Variants in LRRCC1 observed in about 807,000 individuals in gnomAD.
LRRCC1 encodes the protein leucine rich repeat and coiled-coil centrosomal protein 1.
LRRCC1 carries 115 observed loss-of-function variants against 126.0 expected under a neutral mutation model. That is an observed-to-expected ratio of 0.91 (90% CI 0.78 to 1.07). The LOEUF (loss-of-function observed/expected upper bound fraction) is 1.07. Among genes scored for constraint, LRRCC1 ranks in the 50% least tolerant of loss-of-function variants. LRRCC1 has a pLI of 0.00. For missense variants in LRRCC1, 1,172 were observed against 1,175.7 expected, an observed-to-expected ratio of 1.00 and a Z score of 0.05; for synonymous variants, 400 against 393.4, an observed-to-expected ratio of 1.02 and a Z score of -0.20.
At position 85,138,081 on chromosome 8, in the gene LRRCC1, T is replaced by A; in HGVS notation, c.2540T>A (p.Ile847Asn). 6.3e-7 allele frequency: 1 copy of A among 1,597,156 alleles called. No individual in the cohort carries two copies. The change falls in exon 16 of 19, where the codon ATC becomes AAC. Residue 847 changes from isoleucine (I) to asparagine (N), a missense_variant. Physicochemically the swap from Ile to Asn is moderately radical, Grantham distance 149. Coordinates refer to ENST00000360375, the MANE Select transcript of LRRCC1 (RefSeq NM_033402.5). ...CACATCAAAAGATTACAAGAAAAGA[T>A]CACAGAAATAGAAAAATGCACTCAA... is the stretch of plus-strand genomic sequence containing the variant. ...DEHIKRLQEK[I>N]TEIEKCTQEQ... is the part of the protein sequence containing the mutation.
chr8:85,108,748 T>C (rs1396943562), intron 1 of LRRCC1: 1 of 152,212 alleles, frequency 6.6e-6, no homozygotes, highest in Non-Finnish European at 1.5e-5. Context: ...AGCTGTAAGA[T>C]AGCTGCTACT....
chr8:85,144,544 C>A (rs1348535849), intron 18 of LRRCC1, among the ~76,000 whole-genome samples: 3 of 144,780 alleles, frequency 2.1e-5, no homozygotes, highest in Non-Finnish European at 3.0e-5. Context: ...TCTTGCCTTA[C>A]TGCAACCTCC....
Position 85,126,672 on chromosome 8 carries a change from T to C in LRRCC1, c.1273-17T>C. ...GTAACTTTTCTAAGTTCACATAACT[T>C]TGTTGTTTTCTTTCAGTCCCTTGTT... On this transcript the variant is annotated splice_polypyrimidine_tract_variant and intron_variant, in intron 8 of 18. Transcript: ENST00000360375. The C allele has an allele frequency of 6.2e-7, 1 of 1,600,784 alleles. No homozygotes were observed. Among genetic ancestry groups the C allele is most frequent in the South Asian group, 1.1e-5 (1 of 89,570 alleles).
intron 6 of LRRCC1, among the ~76,000 whole-genome samples, chr8:85,120,375 G>A (rs867774281): frequency 7.2e-5 from 11 of 152,108 alleles, no homozygotes; most frequent in South Asian, 2.1e-4. Context: ...TGTGGTTGTG[G>A]ATTTGTGTTT....
chr8:85,127,737 T>C (rs1810123212), intron 9 of LRRCC1, among the ~76,000 whole-genome samples: 1 of 152,234 alleles, frequency 6.6e-6, no homozygotes, highest in Non-Finnish European at 1.5e-5. Flanking sequence ...ACAATTCTAA[T>C]ACGCAACATG....
chr8:85,110,252 A>C, intron 3 of LRRCC1, 72 bp downstream of exon 3: 1 of 609,760 alleles, frequency 1.6e-6, no homozygotes, highest in Non-Finnish European at 2.8e-6. Context: ...AGCTCAGCTA[A>C]ACATGTTGGA....
At chr8:85,125,517 C>CA (rs1326561931) in intron 8 of LRRCC1, among the ~76,000 whole-genome samples, 3 of 148,918 alleles carry the variant, frequency 2.0e-5, no homozygotes, top group Non-Finnish European at 3.0e-5. Flanking sequence ...ACTAAAAATA[C>CA]AAAAAATTAG....
At chr8:85,109,397 A>G in intron 1 of LRRCC1, 198 bp from the exon 2 acceptor site, 1 of 551,912 alleles carries the variant, frequency 1.8e-6, no homozygotes, top group Non-Finnish European at 3.2e-6. Context: ...TCTTGTTTGT[A>G]TAAATAATCC....
Position 85,134,400 on chromosome 8 carries a change from C to T in LRRCC1, c.1969-447C>T, listed in dbSNP as rs565241630. On this transcript the variant is annotated intron_variant, in intron 12 of 18. Coordinates refer to ENST00000360375, the MANE Select transcript of LRRCC1 (RefSeq NM_033402.5). ...TGGTGCTATCTCGGCTCACTGCAGCCTCCTCCTCCCGGGTTCAAGTGATTC... is the reference window on the plus strand; with the variant it reads ...TGGTGCTATCTCGGCTCACTGCAGCTTCCTCCTCCCGGGTTCAAGTGATTC... Among the ~76,000 whole-genome samples, 18 of 152,272 alleles carry T rather than the reference C, an allele frequency of 1.2e-4. No homozygotes were observed. The South Asian group carries it at 3.5e-3, about 30-fold the overall frequency.
At chr8:85,107,779 G>C (rs946551048) in intron 1 of LRRCC1, 1 of 162,506 alleles carries the variant, frequency 6.2e-6, no homozygotes, top group Admixed American at 6.3e-5. Context: ...CGTCTTTCCT[G>C]TTCTTACCTC....
At position 85,135,042 on chromosome 8, in the gene LRRCC1, T is replaced by C. The variant is rs1257088593; in HGVS notation, c.2154+10T>C. 6.7e-7 allele frequency: 1 copy of C among 1,490,918 alleles called. No homozygotes were observed. The allele number at this position is 1,490,918 out of a possible 1,614,324, so 92.4% of individuals were successfully genotyped here. On this transcript the variant is annotated intron_variant, in intron 13 of 18. Transcript: ENST00000360375. ...AGCAGCAAATTTACAGGTAAGACTT[T>C]GCAACATTATATGTTTTAAAATTTT...
At chr8:85,113,318 A>G (rs1808866621) in intron 4 of LRRCC1, among the ~76,000 whole-genome samples, 1 of 152,178 alleles carries the variant, frequency 6.6e-6, no homozygotes, top group Admixed American at 6.5e-5. Context: ...AGGCAGTTTC[A>G]TATTTGATAA....
At chr8:85,108,813 A>C (rs562959405) in intron 1 of LRRCC1, 4 of 152,198 alleles carry the variant, frequency 2.6e-5, no homozygotes, top group African/African-American at 9.7e-5. Flanking sequence ...TCTCCCATCT[A>C]GCAACTCCAA....
chr8:85,135,522 G>T (rs930349618), intron 13 of LRRCC1, among the ~76,000 whole-genome samples: 5 of 152,174 alleles, frequency 3.3e-5, no homozygotes, highest in Admixed American at 6.5e-5. Flanking sequence ...ATAAATGCTC[G>T]TGAAAAATTT....
At position 85,107,250 on chromosome 8, in the gene LRRCC1, C is replaced by A; in HGVS notation, c.-46C>A. 1 of 1,560,020 alleles carries A rather than the reference C, an allele frequency of 6.4e-7. No homozygotes were observed. ...GGAGGCTTGTCCCAAGCTCACGGAC[C>A]CCTCGCTGGGTGCCGGTTAAGACCC... On this transcript the variant is annotated 5_prime_UTR_variant, in exon 1 of 19. Transcript: ENST00000360375.
intron 17 of LRRCC1, among the ~76,000 whole-genome samples, chr8:85,141,134 G>A (rs1380467639): frequency 6.6e-6 from 1 of 151,988 alleles, no homozygotes; most frequent in African/African-American, 2.4e-5. Flanking sequence ...CTAACTTTCA[G>A]AAAATGAAAG....
Position 85,123,609 on chromosome 8 carries a change from A to G in LRRCC1, c.1124+3A>G, listed in dbSNP as rs1809742103. On this transcript the variant is annotated splice_donor_region_variant and intron_variant, in intron 7 of 18. Transcript: ENST00000360375. The stretch of plus-strand genomic sequence containing the variant: ...AAAAACTACAACTCTTTTGTAAGGT[A>G]CTTGTTTTAGTTTTAGAAATTTAAG... 2 of 1,564,184 alleles carry G rather than the reference A, an allele frequency of 1.3e-6. No individual in the cohort carries two copies. The highest frequency in any genetic ancestry group is 2.4e-5 in the South Asian group (2 of 82,974).
At chr8:85,129,786 CATT>C in intron 10 of LRRCC1, 130 bp from the exon 11 acceptor site, 2 of 659,728 alleles carry the variant, frequency 3.0e-6, no homozygotes, top group Non-Finnish European at 4.9e-6. Context: ...ACTGTAACAT[CATT>C]AATTTATTAA....
chr8:85,136,765 C>CTTTTG (rs938360998), intron 14 of LRRCC1, among the ~76,000 whole-genome samples: 7 of 151,994 alleles, frequency 4.6e-5, no homozygotes, highest in Admixed American at 2.0e-4. Context: ...ATACTGGTTT[C>CTTTTG]TTTTGTTTTG....
Sources: gnomAD v4.1 joint callset for allele counts (sites outside exome capture counted in the v4.1 genomes callset) on GRCh38, gnomAD v4.1.1 for gene constraint, MANE v1.5 for transcripts, NCBI Gene and HGNC (gene_info 2026-07-23, HGNC 2026-07-21) for gene names.